The following PRKN variants were observed in gnomAD, a reference collection of about 807,000 sequenced individuals.
PRKN encodes the protein parkin RBR E3 ubiquitin protein ligase.
In PRKN, 56 loss-of-function variants were observed where a neutral mutation model predicts 59.5. The ratio of observed to expected loss-of-function variants is 0.94; its 90% CI spans 0.76 to 1.18. PRKN has a LOEUF of 1.18. Ranked by LOEUF, PRKN falls within the 50% of genes most tolerant of loss-of-function variation. PRKN has a pLI of 0.00. For missense variants in PRKN, 657 were observed against 596.4 expected (o/e 1.10, Z -1.06); for synonymous variants, 250 against 222.1 (o/e 1.13, Z -1.12).
At chr6:161,935,920 G>A (rs1156832771) in intron 6 of PRKN, among the ~76,000 whole-genome samples, 1 of 152,184 alleles carries the variant, frequency 6.6e-6, no homozygotes. Context: ...CTCAGTTGGT[G>A]TAATTTACAC....
chr6:162,242,460 A>G (rs1779024256), intron 3 of PRKN, among the ~76,000 whole-genome samples: 1 of 152,106 alleles, frequency 6.6e-6, no homozygotes, highest in African/African-American at 2.4e-5. Context: ...GTGTTCCTTT[A>G]TTTTCTAAAT....
chr6:162,265,252 G>T (rs750261946), intron 2 of PRKN: 1 of 152,030 alleles, frequency 6.6e-6, no homozygotes, highest in Non-Finnish European at 1.5e-5. Context: ...AATCATGCAC[G>T]CCTGTACATT....
chr6:161,809,420 GA>G (rs1056444407), intron 6 of PRKN, among the ~76,000 whole-genome samples: 11 of 151,908 alleles, frequency 7.2e-5, no homozygotes, highest in African/African-American at 2.4e-4. Context: ...ACAATGTTAA[GA>G]AAAAAATGTT....
intron 1 of PRKN, among the ~76,000 whole-genome samples, chr6:162,615,127 ATTTAT>A (rs1344377178): frequency 2.0e-5 from 3 of 152,188 alleles, no homozygotes; most frequent in African/African-American, 7.2e-5. Flanking sequence ...CAATAGTACA[ATTTAT>A]TTTGTCTCCA....
At chr6:162,288,762 A>G (rs1206907535) in intron 2 of PRKN, among the ~76,000 whole-genome samples, 1 of 152,180 alleles carries the variant, frequency 6.6e-6, no homozygotes, top group Non-Finnish European at 1.5e-5. Context: ...CCATGATACC[A>G]TTTATAAACA....
At chr6:162,351,254 TA>T (rs1026619464) in intron 2 of PRKN, among the ~76,000 whole-genome samples, 1 of 151,674 alleles carries the variant, frequency 6.6e-6, no homozygotes, top group African/African-American at 2.4e-5. Flanking sequence ...AACAACCCAA[TA>T]AAAAAATGGG....
intron 2 of PRKN, among the ~76,000 whole-genome samples, chr6:162,414,595 C>A (rs1267595850): frequency 6.6e-6 from 1 of 151,362 alleles, no homozygotes; most frequent in Non-Finnish European, 1.5e-5. Flanking sequence ...CCTGTAGTCC[C>A]AGCTACTCGG....
Position 161,352,765 on chromosome 6 carries a change from A to ATG in PRKN, c.1286-2555_1286-2554insCA, listed in dbSNP as rs1784605340. On this transcript the variant is annotated intron_variant, in intron 11 of 11. Coordinates refer to ENST00000366898, the MANE Select transcript of PRKN (RefSeq NM_004562.3). The surrounding 1 kb of genome is among the most constrained non-coding windows in gnomAD (Gnocchi z 5.8). ...TGTGTGTGTGTGTGTGTATATATAT[A>ATG]TATATATTTTATTTTATTTTATTTT... 9.1e-6 allele frequency among the ~76,000 whole-genome samples: 1 copy of ATG among 109,362 alleles called. No individual in the cohort carries two copies. Among genetic ancestry groups the ATG allele is most frequent in the African/African-American group, 3.2e-5 (1 of 31,668 alleles). The allele number at this position is 109,362 out of a possible 152,430, so 71.7% of individuals were successfully genotyped here.
chr6:161,560,454 C>T lies in PRKN; in HGVS notation c.933+8901G>A, dbSNP rs1016185962. ...CTTCACCCTCACCTCCTCACTGCTG[C>T]CCCCTGATCTCCTGGATGCAGCCCC... On this transcript the variant is annotated intron_variant, in intron 8 of 11. Coordinates refer to ENST00000366898, the MANE Select transcript of PRKN (RefSeq NM_004562.3). This position sits in a 1 kb window ranked among gnomAD's most constrained non-coding sequence, Gnocchi z 4.9. Among the ~76,000 whole-genome samples, 4 of 152,154 alleles carry T rather than the reference C, an allele frequency of 2.6e-5. No individual in the cohort carries two copies. Among genetic ancestry groups the T allele is most frequent in the Non-Finnish European group, 5.9e-5 (4 of 68,032 alleles).
chr6:161,744,669 T>C (rs1788339105), intron 7 of PRKN, among the ~76,000 whole-genome samples: 1 of 152,220 alleles, frequency 6.6e-6, no homozygotes, highest in African/African-American at 2.4e-5. Flanking sequence ...TGACTCGTGG[T>C]CTATTCCTTC....
In PRKN at chr6:161,853,699, A is replaced by AT. The variant is rs532309997; in HGVS notation, c.735-67792dup. On this transcript the variant is annotated intron_variant, in intron 6 of 11. Transcript: ENST00000366898. ...TTAAAGTCCTCGTTGCTTTACAAACATCATTTCATTATGCAGGAGATCTTT... is the reference window on the plus strand; with the variant it reads ...TTAAAGTCCTCGTTGCTTTACAAACATTCATTTCATTATGCAGGAGATCTTT... 2.4e-3 allele frequency among the ~76,000 whole-genome samples: 365 copies of AT among 152,352 alleles called. 2 individuals carry two copies. The highest frequency in any genetic ancestry group is 8.2e-3 in the African/African-American group (339 of 41,592).
intron 7 of PRKN, among the ~76,000 whole-genome samples, chr6:161,710,347 C>A (rs759266136): frequency 6.6e-6 from 1 of 152,152 alleles, no homozygotes; most frequent in Non-Finnish European, 1.5e-5. Context: ...GTTACATCCA[C>A]GTAAACCCGT....
intron 1 of PRKN, among the ~76,000 whole-genome samples, chr6:162,484,910 T>C (rs1056500294): frequency 1.3e-5 from 2 of 152,360 alleles, no homozygotes; most frequent in African/African-American, 4.8e-5. Context: ...ACATTGTTTA[T>C]ATCATTTTCC....
At chr6:161,820,271 T>C (rs2128215920) in intron 6 of PRKN, among the ~76,000 whole-genome samples, 1 of 151,972 alleles carries the variant, frequency 6.6e-6, no homozygotes, top group South Asian at 2.1e-4. Flanking sequence ...GGAATATAAA[T>C]TAGCAAAACC....
intron 5 of PRKN, among the ~76,000 whole-genome samples, chr6:161,998,062 C>T (rs990181781): frequency 1.3e-5 from 2 of 152,054 alleles, no homozygotes; most frequent in Non-Finnish European, 2.9e-5. Flanking sequence ...TATTAAAAAA[C>T]ATAAAACATA....
At chr6:161,726,037 A>G (rs1404658584) in intron 7 of PRKN, among the ~76,000 whole-genome samples, 4 of 152,184 alleles carry the variant, frequency 2.6e-5, no homozygotes, top group Non-Finnish European at 5.9e-5. Flanking sequence ...GCTGGAAATG[A>G]GGGCACTGAC....
chr6:162,442,942 G>C (rs1257813051), intron 2 of PRKN, among the ~76,000 whole-genome samples: 1 of 152,068 alleles, frequency 6.6e-6, no homozygotes, highest in African/African-American at 2.4e-5. Context: ...AGCCTGATTG[G>C]GAACAATTTA....
intron 5 of PRKN, among the ~76,000 whole-genome samples, chr6:162,005,316 T>A (rs190322308): frequency 6.6e-6 from 1 of 152,208 alleles, no homozygotes; most frequent in African/African-American, 2.4e-5. Flanking sequence ...GTTGTTCACA[T>A]TGGGAATTTT....
intron 2 of PRKN, among the ~76,000 whole-genome samples, chr6:162,442,042 T>C (rs529902779): frequency 6.6e-6 from 1 of 150,936 alleles, no homozygotes; most frequent in African/African-American, 2.5e-5. Context: ...TTTTAGCACA[T>C]GCACTTCCCT....
Sources: allele counts gnomAD v4.1 joint callset (sites outside exome capture counted in the v4.1 genomes callset), GRCh38; gene constraint gnomAD v4.1.1; non-coding constraint Gnocchi (gnomAD v3.1); transcripts MANE v1.5; gene names NCBI Gene and HGNC (gene_info 2026-07-23, HGNC 2026-07-21).